NKAIN2: variants seen among roughly 807,000 people sequenced by gnomAD.
NKAIN2 encodes sodium/potassium-transporting ATPase subunit beta-1-interacting protein 2.
A neutral mutation model predicts 32.6 loss-of-function variants in NKAIN2; 14 were observed. That is an observed-to-expected ratio of 0.43 (90% CI 0.28 to 0.67). NKAIN2 has a LOEUF of 0.67. Ranked by LOEUF, NKAIN2 falls within the 30% of genes least tolerant of loss-of-function variation. NKAIN2 has a pLI of 0.17. For synonymous variants in NKAIN2, 80 were observed against 87.2 expected (o/e 0.92, Z 0.46); for missense variants, 198 against 258.3 (o/e 0.77, Z 1.60).
At position 123,940,875 on chromosome 6, in the gene NKAIN2, A is replaced by G. The variant is rs150606150; in HGVS notation, c.54+136621A>G. 3.6e-3 allele frequency among the ~76,000 whole-genome samples: 555 copies of G among 152,122 alleles called. 4 individuals carry two copies. Among genetic ancestry groups the G allele is most frequent in the African/African-American group, 0.013 (529 of 41,534 alleles). On this transcript the variant is annotated intron_variant, in intron 1 of 6. Transcript: ENST00000368417. ...TTTTTCATTCTTCAATAATAAATTA[A>G]CCTTAGCTTGCTGTAATATTTTTAC... is the stretch of plus-strand genomic sequence containing the variant.
At chr6:124,815,512 C>G (rs1405303822) in intron 5 of NKAIN2, among the ~76,000 whole-genome samples, 4 of 151,948 alleles carry the variant, frequency 2.6e-5, no homozygotes, top group Admixed American at 6.6e-5. Context: ...TTAGGTGACC[C>G]ATCTGCCTCA....
intron 1 of NKAIN2, among the ~76,000 whole-genome samples, chr6:123,917,720 C>T (rs1026167930): frequency 3.9e-5 from 6 of 152,124 alleles, no homozygotes; most frequent in East Asian, 1.9e-4. Flanking sequence ...AGCTCACAGA[C>T]GAATTCATAA....
chr6:124,531,875 T>C (rs1270301168), intron 3 of NKAIN2, among the ~76,000 whole-genome samples: 3 of 152,188 alleles, frequency 2.0e-5, no homozygotes, highest in Non-Finnish European at 4.4e-5. Context: ...TTCACCATGT[T>C]GGCAAAGCTG....
intron 1 of NKAIN2, among the ~76,000 whole-genome samples, chr6:123,984,621 T>C (rs1779049507): frequency 6.6e-6 from 1 of 152,196 alleles, no homozygotes; most frequent in African/African-American, 2.4e-5. Context: ...TTGTGAGCTT[T>C]TTCTCTGTAT....
chr6:124,464,823 T>C (rs1372313991), intron 3 of NKAIN2, among the ~76,000 whole-genome samples: 2 of 152,124 alleles, frequency 1.3e-5, no homozygotes, highest in Non-Finnish European at 2.9e-5. Flanking sequence ...TTGTTCTTTT[T>C]GCTTAGGATT....
intron 4 of NKAIN2, among the ~76,000 whole-genome samples, chr6:124,712,016 T>G (rs1187659976): frequency 6.6e-6 from 1 of 152,032 alleles, no homozygotes; most frequent in Non-Finnish European, 1.5e-5. Context: ...GTTCTTTCTG[T>G]TTGTTAGTTT....
chr6:123,935,909 T>C (rs1189117272), intron 1 of NKAIN2, among the ~76,000 whole-genome samples: 4 of 152,040 alleles, frequency 2.6e-5, no homozygotes, highest in Non-Finnish European at 5.9e-5. Context: ...ATTTTTTTGT[T>C]CACTCTTTCT....
At chr6:124,285,979 C>A (rs1185236667) in intron 2 of NKAIN2, among the ~76,000 whole-genome samples, 1 of 151,726 alleles carries the variant, frequency 6.6e-6, no homozygotes, top group Non-Finnish European at 1.5e-5. Flanking sequence ...CAATGTAGAC[C>A]TTTATAATTT....
intron 1 of NKAIN2, among the ~76,000 whole-genome samples, chr6:124,178,659 G>A (rs1000949996): frequency 2.6e-5 from 4 of 152,134 alleles, no homozygotes; most frequent in Admixed American, 2.0e-4. Context: ...ATATTAAATA[G>A]CCACATGTGA....
At chr6:124,405,537 CTT>C (rs200131120) in intron 3 of NKAIN2, among the ~76,000 whole-genome samples, 40 of 139,332 alleles carry the variant, frequency 2.9e-4, no homozygotes, top group African/African-American at 8.1e-4. Flanking sequence ...TTTGTTTTGT[CTT>C]TTTTTTTTTT....
intron 1 of NKAIN2, among the ~76,000 whole-genome samples, chr6:123,977,340 A>G (rs1307011468): frequency 1.3e-5 from 2 of 152,110 alleles, no homozygotes; most frequent in Non-Finnish European, 2.9e-5. Context: ...GAACACAGGA[A>G]TTTGAGGCTT....
intron 1 of NKAIN2, chr6:123,823,291 T>C (rs954133157): frequency 6.6e-6 from 1 of 152,184 alleles, no homozygotes; most frequent in East Asian, 1.9e-4. Flanking sequence ...GCTTCTATCA[T>C]TGTGGTAAGA....
At chr6:124,105,250 A>C (rs1020675594) in intron 1 of NKAIN2, among the ~76,000 whole-genome samples, 1 of 152,078 alleles carries the variant, frequency 6.6e-6, no homozygotes. Flanking sequence ...CTTTCAGAGG[A>C]GCTTTTGTGG....
chr6:124,058,210 T>G (rs767455079), intron 1 of NKAIN2, among the ~76,000 whole-genome samples: 18 of 151,104 alleles, frequency 1.2e-4, no homozygotes, highest in Admixed American at 4.6e-4. Context: ...TTTTGTTTTT[T>G]TTTTTTTTTT....
chr6:123,827,183 C>G (rs1774184445), intron 1 of NKAIN2, among the ~76,000 whole-genome samples: 1 of 151,962 alleles, frequency 6.6e-6, no homozygotes, highest in South Asian at 2.1e-4. Flanking sequence ...ATTTTTTAAT[C>G]AACTTTTTGT....
At chr6:124,557,907 G>A (rs761588566) in intron 3 of NKAIN2, among the ~76,000 whole-genome samples, 1 of 152,186 alleles carries the variant, frequency 6.6e-6, no homozygotes, top group Non-Finnish European at 1.5e-5. Flanking sequence ...TAAAGGTGCT[G>A]TGATTTTAAA....
At chr6:123,837,778 G>C (rs1424823055) in intron 1 of NKAIN2, among the ~76,000 whole-genome samples, 1 of 151,952 alleles carries the variant, frequency 6.6e-6, no homozygotes, top group Non-Finnish European at 1.5e-5. Context: ...TTCTTATTTA[G>C]AGGGAATCTG....
At chr6:123,904,947 C>G (rs575595879) in intron 1 of NKAIN2, among the ~76,000 whole-genome samples, 1 of 152,118 alleles carries the variant, frequency 6.6e-6, no homozygotes, top group South Asian at 2.1e-4. Context: ...TTTCAGAAAT[C>G]AATAATCATG....
intron 1 of NKAIN2, among the ~76,000 whole-genome samples, chr6:124,205,974 G>A (rs1790860344): frequency 6.6e-6 from 1 of 151,806 alleles, no homozygotes. Context: ...GTGAGCAAGA[G>A]CAAAATATTC....
Sources: allele counts gnomAD v4.1 joint callset (sites outside exome capture counted in the v4.1 genomes callset), GRCh38; gene constraint gnomAD v4.1.1; transcripts MANE v1.5; gene names NCBI Gene and HGNC (gene_info 2026-07-23, HGNC 2026-07-21).